Variants in FAM117B observed in about 807,000 individuals in gnomAD.
FAM117B encodes the protein family with sequence similarity 117 member B.
A neutral mutation model predicts 52.8 loss-of-function variants in FAM117B; 22 were observed. The ratio of observed to expected loss-of-function variants is 0.42; its 90% CI spans 0.30 to 0.59. FAM117B has a LOEUF of 0.59. FAM117B is among the 20% of genes least tolerant of loss of function. FAM117B has a pLI of 0.22. For synonymous variants in FAM117B, 309 were observed against 324.1 expected, an observed-to-expected ratio of 0.95 and a Z score of 0.50; for missense variants, 678 against 802.6, an observed-to-expected ratio of 0.84 and a Z score of 1.88.
intron 4 of FAM117B, among the ~76,000 whole-genome samples, chr2:202,730,682 GA>G (rs773084076): frequency 6.6e-6 from 1 of 151,666 alleles, no homozygotes; most frequent in East Asian, 1.9e-4. Flanking sequence ...AACAAACAAT[GA>G]AAAAATAAAA....
At chr2:202,719,171 G>A (rs1691109968) in intron 2 of FAM117B, among the ~76,000 whole-genome samples, 1 of 152,146 alleles carries the variant, frequency 6.6e-6, no homozygotes, top group South Asian at 2.1e-4. Context: ...TTTACATTAG[G>A]CATATAAGTA....
chr2:202,712,458 T>C (rs1218578510), intron 2 of FAM117B, among the ~76,000 whole-genome samples: 1 of 148,396 alleles, frequency 6.7e-6, no homozygotes, highest in African/African-American at 2.5e-5. Flanking sequence ...GTGGAGGCTT[T>C]AGGTGTTTCC....
Position 202,766,106 on chromosome 2 carries a change from A to C in FAM117B, c.*342A>C, listed in dbSNP as rs867161929. 36 of 167,634 alleles carry C rather than the reference A, an allele frequency of 2.1e-4. No individual in the cohort carries two copies. The highest frequency in any genetic ancestry group is 1.4e-3 in the East Asian group (9 of 6,512). The allele number at this position is 167,634 out of a possible 1,614,324, so 10.4% of individuals were successfully genotyped here. A position where few individuals can be genotyped will look rare whatever the true frequency, so the allele number is the denominator to read the frequency against. ...CACACACACACACACACACACACAC[A>C]CCCCTGATCCTTGCCAACATGATTC... On this transcript the variant is annotated 3_prime_UTR_variant, in exon 8 of 8. Transcript: ENST00000392238.
chr2:202,728,870 G>A (rs1441106453), intron 4 of FAM117B, among the ~76,000 whole-genome samples: 1 of 152,154 alleles, frequency 6.6e-6, no homozygotes, highest in Non-Finnish European at 1.5e-5. Context: ...TGCAGAGAGG[G>A]TAAGGACAAG....
chr2:202,725,299 C>CTTTTTTTTTTTTTTTTTT (rs11432596), intron 3 of FAM117B: 1 of 148,218 alleles, frequency 6.7e-6, no homozygotes, highest in Non-Finnish European at 1.4e-5. Flanking sequence ...CACATTTATT[C>CTTTTTTTTTTTTTTTTTT]TTTTTTTTTT....
chr2:202,642,288 A>G (rs1416782406), intron 1 of FAM117B, among the ~76,000 whole-genome samples: 1 of 148,554 alleles, frequency 6.7e-6, no homozygotes, highest in African/African-American at 2.5e-5. Context: ...TTCTCATCCA[A>G]GGCTTTAGGC....
At chr2:202,641,927 C>G (rs988129528) in intron 1 of FAM117B, among the ~76,000 whole-genome samples, 5 of 151,034 alleles carry the variant, frequency 3.3e-5, no homozygotes, top group Admixed American at 3.3e-4. Flanking sequence ...GCATGAGCCA[C>G]CGCGCCTGGC....
chr2:202,751,797 G>A (rs904586548), intron 4 of FAM117B, among the ~76,000 whole-genome samples: 10 of 148,242 alleles, frequency 6.7e-5, no homozygotes, highest in Admixed American at 6.1e-4. Context: ...AAAAAAAATA[G>A]GTTTTGACAA....
At chr2:202,640,883 T>C (rs1319207260) in intron 1 of FAM117B, among the ~76,000 whole-genome samples, 1 of 152,192 alleles carries the variant, frequency 6.6e-6, no homozygotes, top group Non-Finnish European at 1.5e-5. Context: ...AGTGCTGGGA[T>C]TAGAGGCACG....
intron 1 of FAM117B, among the ~76,000 whole-genome samples, chr2:202,692,625 G>A (rs978907859): frequency 8.5e-5 from 13 of 152,246 alleles, no homozygotes; most frequent in South Asian, 4.1e-4. Context: ...AAAAGTTAGC[G>A]TTCCATATCA....
At chr2:202,705,310 GA>G (rs1000003098) in intron 2 of FAM117B, among the ~76,000 whole-genome samples, 5 of 138,922 alleles carry the variant, frequency 3.6e-5, no homozygotes, top group Admixed American at 7.1e-5. Context: ...TCATCTCAAA[GA>G]AAAAAAAAAC....
At position 202,741,367 on chromosome 2, in the gene FAM117B, C is replaced by T. The variant is rs190882289; in HGVS notation, c.961-14171C>T. Among the ~76,000 whole-genome samples, 152 of 120,606 alleles carry T rather than the reference C, an allele frequency of 1.3e-3. 2 individuals are homozygous for T. In the Middle Eastern group the frequency reaches 0.047, roughly 37 times the overall value. 79.1% of individuals were successfully genotyped at this position (120,606 alleles called of 152,430 possible). A position where few individuals can be genotyped will look rare whatever the true frequency, so the allele number is the denominator to read the frequency against. ...CCGGGAGGTGGAGGTTGCAGTGAGC[C>T]AGATCATGCCACTGCACTCTAGCCT... On this transcript the variant is annotated intron_variant, in intron 4 of 7. Coordinates refer to ENST00000392238, the MANE Select transcript of FAM117B (RefSeq NM_173511.4).
At chr2:202,702,005 A>G (rs1036797254) in intron 2 of FAM117B, among the ~76,000 whole-genome samples, 1 of 152,222 alleles carries the variant, frequency 6.6e-6, no homozygotes, top group Non-Finnish European at 1.5e-5. Context: ...ACTATGGGCA[A>G]TATGCTACCC....
At chr2:202,653,281 A>G (rs938441354) in intron 1 of FAM117B, among the ~76,000 whole-genome samples, 3 of 152,280 alleles carry the variant, frequency 2.0e-5, no homozygotes, top group Admixed American at 2.0e-4. Context: ...AACAACAACA[A>G]TAGCAACTAA....
At chr2:202,649,800 C>T (rs1269649606) in intron 1 of FAM117B, among the ~76,000 whole-genome samples, 1 of 152,100 alleles carries the variant, frequency 6.6e-6, no homozygotes, top group Non-Finnish European at 1.5e-5. Context: ...GATCTGCCCA[C>T]GTCAGCCTCC....
Position 202,635,196 on chromosome 2 carries a change from G to A in FAM117B, c.9G>A (p.Gln3=). The change falls in exon 1 of 8, where the codon CAG becomes CAA. Residue 3 remains glutamine, a synonymous_variant. Transcript: ENST00000392238. ...CGGGGAGGGGGGGGACCATGTCCCA[G>A]CGGGTGAGGCGCAATGGGTCCCCCA... MS[Q]RVRRNGSPTP... is the part of the protein sequence containing the mutation. The A allele has an allele frequency of 7.8e-7, 1 of 1,284,280 alleles. No homozygotes were observed. Among genetic ancestry groups the A allele is most frequent in the Non-Finnish European group, 9.9e-7 (1 of 1,013,826 alleles). 79.6% of individuals were successfully genotyped at this position (1,284,280 alleles called of 1,614,324 possible). A position where few individuals can be genotyped will look rare whatever the true frequency, so the allele number is the denominator to read the frequency against.
rs564985653 is a variant in FAM117B at position 202,768,799 on chromosome 2, T to G, written c.*3035T>G. The G allele has an allele frequency of 9.2e-5, 14 of 152,306 alleles. No homozygotes were observed. The highest frequency in any genetic ancestry group is 5.2e-4 in the Admixed American group (8 of 15,304). The allele number at this position is 152,306 out of a possible 1,614,324, so 9.4% of individuals were successfully genotyped here. ...TAAATTTTTTTAATTTTATAAAAATTTATTTCCATTGCATTAAAAGAAATG... is the reference window on the plus strand; with the variant it reads ...TAAATTTTTTTAATTTTATAAAAATGTATTTCCATTGCATTAAAAGAAATG... On this transcript the variant is annotated 3_prime_UTR_variant, in exon 8 of 8. Transcript: ENST00000392238.
At chr2:202,747,886 T>C (rs1691658634) in intron 4 of FAM117B, among the ~76,000 whole-genome samples, 2 of 152,138 alleles carry the variant, frequency 1.3e-5, no homozygotes, top group South Asian at 4.1e-4. Context: ...CAAAGCAATC[T>C]ATAGATTGAT....
intron 1 of FAM117B, among the ~76,000 whole-genome samples, chr2:202,695,342 T>A (rs1300466289): frequency 6.6e-6 from 1 of 152,162 alleles, no homozygotes; most frequent in Non-Finnish European, 1.5e-5. Flanking sequence ...AAATAAACAA[T>A]TTATATGTTA....
Sources: gnomAD v4.1 joint callset for allele counts (sites outside exome capture counted in the v4.1 genomes callset) on GRCh38, gnomAD v4.1.1 for gene constraint, MANE v1.5 for transcripts, NCBI Gene and HGNC (gene_info 2026-07-23, HGNC 2026-07-21) for gene names.